The following LRP1B variants were observed in gnomAD, a reference collection of about 807,000 sequenced individuals.
LRP1B encodes low-density lipoprotein receptor-related protein 1B.
Under a neutral mutation model 556.6 loss-of-function variants are expected in LRP1B, and 217 were observed. That is an observed-to-expected ratio of 0.39 (90% CI 0.35 to 0.44). The LOEUF (loss-of-function observed/expected upper bound fraction) is 0.44, where lower values mean the gene tolerates loss of function less well. Among genes scored for constraint, LRP1B ranks in the 20% least tolerant of loss-of-function variants. The pLI, the probability that LRP1B is intolerant of heterozygous loss-of-function variation, is 1.00. For synonymous variants in LRP1B, 2,047 were observed against 1,865.8 expected (o/e 1.10, Z -2.50); for missense variants, 5,053 against 5,620.8 (o/e 0.90, Z 3.23).
At chr2:141,658,137 G>GA (rs1273155007) in intron 2 of LRP1B, among the ~76,000 whole-genome samples, 4 of 151,842 alleles carry the variant, frequency 2.6e-5, no homozygotes, top group Non-Finnish European at 2.9e-5. Flanking sequence ...TCATTTAAAG[G>GA]AAAAAAATTA....
intron 2 of LRP1B, among the ~76,000 whole-genome samples, chr2:141,654,120 T>C (rs1689907092): frequency 6.6e-6 from 1 of 152,194 alleles, no homozygotes; most frequent in Admixed American, 6.6e-5. Context: ...TTCAAAACCC[T>C]GTGATTATTT....
Position 140,575,431 on chromosome 2 carries a change from T to C in LRP1B, c.7194+23200A>G, listed in dbSNP as rs148137383. Among the ~76,000 whole-genome samples, 75 of 152,336 alleles carry C rather than the reference T, an allele frequency of 4.9e-4. 1 individual carries two copies. Among genetic ancestry groups the C allele is most frequent in the African/African-American group, 1.3e-3 (56 of 41,576 alleles). On this transcript the variant is annotated intron_variant, in intron 43 of 90. Transcript: ENST00000389484. Reference sequence around the variant, plus strand: ...TAATTAATGTGTGCTCATATCATGGTGTATTATTATTCATGTAAGGTATGT... The same window carrying C: ...TAATTAATGTGTGCTCATATCATGGCGTATTATTATTCATGTAAGGTATGT...
At chr2:140,601,998 T>G (rs562880573) in intron 41 of LRP1B, among the ~76,000 whole-genome samples, 1 of 152,232 alleles carries the variant, frequency 6.6e-6, no homozygotes, top group East Asian at 1.9e-4. Flanking sequence ...AAACCTTATG[T>G]CAGCAATACG....
rs115185141 is a variant in LRP1B at position 140,810,515 on chromosome 2, A to G, written c.5359+3142T>C. Among the ~76,000 whole-genome samples, 579 of 152,068 alleles carry G rather than the reference A, an allele frequency of 3.8e-3. 3 individuals carry two copies. The highest frequency in any genetic ancestry group is 0.012 in the African/African-American group (508 of 41,486). Reference sequence around the variant, plus strand: ...ATAGTATTCAGCCTCAGCAGCAAGTAGGCCATCACATTTTTTTTTCTCTTC... The same window carrying G: ...ATAGTATTCAGCCTCAGCAGCAAGTGGGCCATCACATTTTTTTTTCTCTTC... On this transcript the variant is annotated intron_variant, in intron 32 of 90. Coordinates refer to ENST00000389484, the MANE Select transcript of LRP1B (RefSeq NM_018557.3).
chr2:140,347,504 T>A (rs1406385388), intron 77 of LRP1B, among the ~76,000 whole-genome samples: 1 of 151,844 alleles, frequency 6.6e-6, no homozygotes, highest in Non-Finnish European at 1.5e-5. Flanking sequence ...AAATAACCAT[T>A]TTTTTAGAAT....
intron 2 of LRP1B, among the ~76,000 whole-genome samples, chr2:141,771,492 C>A: frequency 6.6e-6 from 1 of 152,192 alleles, no homozygotes; most frequent in Admixed American, 6.5e-5. Flanking sequence ...GAAGTCTAAC[C>A]CATTTAGACA....
chr2:141,887,364 C>T (rs527460093), intron 1 of LRP1B, among the ~76,000 whole-genome samples: 10 of 152,186 alleles, frequency 6.6e-5, no homozygotes, highest in South Asian at 2.1e-4. Context: ...TGGCATTCCA[C>T]GGTCAGACTT....
At chr2:140,400,893 C>T (rs1466648976) in intron 66 of LRP1B, among the ~76,000 whole-genome samples, 5 of 152,156 alleles carry the variant, frequency 3.3e-5, no homozygotes. Flanking sequence ...GGCCTTAAAC[C>T]TCCCAGAGCT....
At chr2:141,795,522 C>T (rs930666608) in intron 2 of LRP1B, among the ~76,000 whole-genome samples, 1 of 151,840 alleles carries the variant, frequency 6.6e-6, no homozygotes, top group Non-Finnish European at 1.5e-5. Context: ...TCAGAGTCCA[C>T]GTTTGTGGTG....
intron 1 of LRP1B, among the ~76,000 whole-genome samples, chr2:142,107,521 T>C (rs1362261072): frequency 6.6e-6 from 1 of 152,188 alleles, no homozygotes; most frequent in Non-Finnish European, 1.5e-5. Flanking sequence ...ATCTGTTTTT[T>C]ATAAGTCACC....
At chr2:141,642,527 T>C (rs778497279) in intron 2 of LRP1B, among the ~76,000 whole-genome samples, 3 of 152,130 alleles carry the variant, frequency 2.0e-5, no homozygotes, top group Non-Finnish European at 2.9e-5. Flanking sequence ...GCAATTCTAA[T>C]AGAAATGTTA....
chr2:140,945,392 A>G lies in LRP1B; in HGVS notation c.3136+4843T>C, dbSNP rs148071151. ...AAAATTCATATAGAAAATAATTCCA[A>G]ATAGCCAAAGCAACCCTAAGCAAAA... On this transcript the variant is annotated intron_variant, in intron 20 of 90. Transcript: ENST00000389484. Among the ~76,000 whole-genome samples the G allele has an allele frequency of 2.5e-3, 386 of 152,060 alleles. 1 individual carries two copies. The highest frequency in any genetic ancestry group is 9.1e-3 in the African/African-American group (376 of 41,540).
At chr2:141,285,536 A>G (rs548741756) in intron 3 of LRP1B, among the ~76,000 whole-genome samples, 2 of 117,504 alleles carry the variant, frequency 1.7e-5, no homozygotes, top group African/African-American at 6.5e-5. Context: ...GCTCACTGCA[A>G]CCTCCGCCTC....
chr2:141,406,500 A>C (rs1486792508), intron 3 of LRP1B, among the ~76,000 whole-genome samples: 1 of 152,076 alleles, frequency 6.6e-6, no homozygotes, highest in East Asian at 1.9e-4. Context: ...AATTTAATAA[A>C]AGTGAATGTA....
At chr2:142,011,652 T>G (rs1702963586) in intron 1 of LRP1B, among the ~76,000 whole-genome samples, 1 of 152,206 alleles carries the variant, frequency 6.6e-6, no homozygotes, top group Admixed American at 6.5e-5. Context: ...TAATCAATAC[T>G]TTTAACCTAC....
At chr2:140,686,050 T>G (rs1249402295) in intron 41 of LRP1B, among the ~76,000 whole-genome samples, 1 of 152,114 alleles carries the variant, frequency 6.6e-6, no homozygotes, top group Admixed American at 6.6e-5. Context: ...CTCCAAAATA[T>G]AGACCACTGG....
intron 1 of LRP1B, among the ~76,000 whole-genome samples, chr2:141,936,046 CAA>C (rs1553487228): frequency 6.6e-6 from 1 of 151,658 alleles, no homozygotes; most frequent in Admixed American, 6.6e-5. Flanking sequence ...AACACTGTAG[CAA>C]AAAAAGGAGT....
intron 32 of LRP1B, among the ~76,000 whole-genome samples, chr2:140,803,260 G>GTT (rs11352164): frequency 0.11 from 10,724 of 100,888 alleles, 1,983 homozygotes; most frequent in Non-Finnish European, 0.13. Flanking sequence ...CCTATTGAAA[G>GTT]TTTTTTTTTT....
At chr2:141,719,027 G>A (rs1012150589) in intron 2 of LRP1B, among the ~76,000 whole-genome samples, 1 of 152,082 alleles carries the variant, frequency 6.6e-6, no homozygotes, top group Admixed American at 6.6e-5. Context: ...CAAAGTGAGT[G>A]TAATAATAAA....
Sources: gnomAD v4.1 joint callset for allele counts (sites outside exome capture counted in the v4.1 genomes callset) on GRCh38, gnomAD v4.1.1 for gene constraint, MANE v1.5 for transcripts, NCBI Gene and HGNC (gene_info 2026-07-23, HGNC 2026-07-21) for gene names.